Variants in KCNMA1 observed in about 807,000 individuals in gnomAD.
The protein encoded by KCNMA1 is potassium calcium-activated channel subfamily M alpha 1, also known as Calcium-activated potassium channel subunit alpha-1.
A neutral mutation model predicts 140.0 loss-of-function variants in KCNMA1; 29 were observed. That is an observed-to-expected ratio of 0.21 (90% CI 0.15 to 0.28). The LOEUF (loss-of-function observed/expected upper bound fraction) is 0.28, where lower values mean the gene tolerates loss of function less well. KCNMA1 is among the 10% of genes least tolerant of loss of function. The pLI is 1.00. For synonymous variants in KCNMA1, 612 were observed against 611.9 expected (o/e 1.00, Z 0.00); for missense variants, 880 against 1,602.2 (o/e 0.55, Z 7.70).
chr10:77,540,653 T>C (rs1315928631), intron 1 of KCNMA1, among the ~76,000 whole-genome samples: 2 of 152,248 alleles, frequency 1.3e-5, no homozygotes, highest in Non-Finnish European at 1.5e-5. Context: ...AATACTGTTA[T>C]CACTTTCAAT....
chr10:77,467,327 G>A (rs1483967260), intron 1 of KCNMA1, among the ~76,000 whole-genome samples: 2 of 152,202 alleles, frequency 1.3e-5, no homozygotes, highest in East Asian at 1.9e-4. Flanking sequence ...CTCTCTGTTG[G>A]TTGCATTTTT....
intron 1 of KCNMA1, chr10:77,587,671 T>G (rs1264362344): frequency 8.1e-6 from 8 of 983,034 alleles, no homozygotes; most frequent in Non-Finnish European, 9.7e-6. Flanking sequence ...CAGTGGAATC[T>G]GTGGAAGGTA....
At chr10:77,318,740 C>A (rs927766021) in intron 2 of KCNMA1, among the ~76,000 whole-genome samples, 1 of 152,046 alleles carries the variant, frequency 6.6e-6, no homozygotes, top group Admixed American at 6.6e-5. Context: ...CTTGGTGGAC[C>A]TATTCACCAA....
intron 2 of KCNMA1, among the ~76,000 whole-genome samples, chr10:77,286,095 C>T (rs532036702): frequency 6.6e-6 from 1 of 152,262 alleles, no homozygotes; most frequent in East Asian, 1.9e-4. Flanking sequence ...TAATGGGACT[C>T]TACCTACACA....
intron 1 of KCNMA1, among the ~76,000 whole-genome samples, chr10:77,565,859 C>T (rs1460976557): frequency 6.6e-6 from 1 of 152,154 alleles, no homozygotes; most frequent in Non-Finnish European, 1.5e-5. Flanking sequence ...AGCCTCCCAC[C>T]CCATCCCCCT....
Position 77,019,093 on chromosome 10 carries a change from T to A in KCNMA1, c.1935A>T (p.Leu645Phe). The change falls in exon 17 of 28, where the codon TTA becomes TTT. Residue 645 changes from leucine (L) to phenylalanine (F), a missense_variant. Physicochemically the swap from Leu to Phe is conservative, Grantham distance 22. Around this residue, in one of 13 missense-constraint regions of KCNMA1, gnomAD observed 196 missense variants for 233.0 expected, o/e 0.84. Transcript: ENST00000286628. Reference sequence around the variant, plus strand: ...TCTTAAGATGGTTTCCAGGATTAATTAATATACTGCTCAGTGAACAAAAAC... The same window carrying A: ...TCTTAAGATGGTTTCCAGGATTAATAAATATACTGCTCAGTGAACAAAAAC... ...YKSANRESRI[L>F]INPGNHLKIQ... 6.5e-7 allele frequency: 1 copy of A among 1,535,142 alleles called. No homozygotes were observed. Among genetic ancestry groups the A allele is most frequent in the Non-Finnish European group, 9.0e-7 (1 of 1,108,480 alleles).
chr10:77,293,891 G>T (rs917361990), intron 2 of KCNMA1, among the ~76,000 whole-genome samples: 1 of 152,232 alleles, frequency 6.6e-6, no homozygotes, highest in Non-Finnish European at 1.5e-5. Flanking sequence ...AGAAATCTCT[G>T]CCGGGTTTCT....
intron 14 of KCNMA1, among the ~76,000 whole-genome samples, chr10:77,068,017 C>T (rs1040463764): frequency 1.4e-4 from 22 of 152,194 alleles, no homozygotes; most frequent in African/African-American, 5.3e-4. Flanking sequence ...CTTATCGTTT[C>T]TCACATTTCC....
intron 1 of KCNMA1, among the ~76,000 whole-genome samples, chr10:77,406,576 G>T (rs1039408757): frequency 6.6e-6 from 1 of 152,106 alleles, no homozygotes; most frequent in African/African-American, 2.4e-5. Flanking sequence ...ATGCTGCTGG[G>T]CTTGGAAGCC....
intron 1 of KCNMA1, among the ~76,000 whole-genome samples, chr10:77,575,685 G>A (rs921563004): frequency 7.9e-5 from 12 of 152,342 alleles, no homozygotes; most frequent in Admixed American, 2.0e-4. Context: ...AGGATCACCC[G>A]GGGAGCATCT....
intron 2 of KCNMA1, among the ~76,000 whole-genome samples, chr10:77,263,093 C>T (rs996888015): frequency 2.0e-5 from 3 of 152,172 alleles, no homozygotes; most frequent in African/African-American, 7.2e-5. Context: ...TCATAACCCT[C>T]CCACAGGAAT....
chr10:76,957,719 G>A lies in KCNMA1; in HGVS notation c.2361-3795C>T, dbSNP rs73282590. Among the ~76,000 whole-genome samples the A allele has an allele frequency of 4.5e-3, 678 of 152,282 alleles. 5 individuals carry two copies. Among genetic ancestry groups the A allele is most frequent in the African/African-American group, 0.016 (655 of 41,564 alleles). The stretch of plus-strand genomic sequence containing the variant: ...GACCATTGTTGGATATCAGAAGGCT[G>A]GAGAGCCCTGAGTAGGTAAAGAAAG... On this transcript the variant is annotated intron_variant, in intron 20 of 27. Transcript: ENST00000286628.
intron 2 of KCNMA1, among the ~76,000 whole-genome samples, chr10:77,280,921 T>A (rs2068327718): frequency 6.6e-6 from 1 of 152,220 alleles, no homozygotes; most frequent in South Asian, 2.1e-4. Context: ...TATCTGAAAG[T>A]CATGATTTTC....
At chr10:77,048,103 T>A (rs1247768) in intron 14 of KCNMA1, among the ~76,000 whole-genome samples, 6,415 of 150,208 alleles carry the variant, frequency 0.043, 460 homozygotes, top group East Asian at 0.24. Context: ...GACAACATGA[T>A]GAGACAATAA....
intron 1 of KCNMA1, among the ~76,000 whole-genome samples, chr10:77,431,982 ACT>A (rs1441944754): frequency 3.3e-5 from 5 of 150,512 alleles, no homozygotes; most frequent in Non-Finnish European, 1.5e-5. Context: ...ACAGAGCAAG[ACT>A]CTATCTCTGA....
chr10:77,039,280 A>G (rs2094516899), intron 15 of KCNMA1: 1 of 578,276 alleles, frequency 1.7e-6, no homozygotes, highest in Non-Finnish European at 3.1e-6. Flanking sequence ...TTCATAAGTT[A>G]GCATAAATGA....
chr10:77,483,332 T>A (rs2098423652), intron 1 of KCNMA1, among the ~76,000 whole-genome samples: 1 of 152,222 alleles, frequency 6.6e-6, no homozygotes, highest in Non-Finnish European at 1.5e-5. Flanking sequence ...TAGAGACATG[T>A]CACAGCAGAG....
At chr10:76,964,025 C>G (rs2072838678) in intron 20 of KCNMA1, among the ~76,000 whole-genome samples, 1 of 152,034 alleles carries the variant, frequency 6.6e-6, no homozygotes, top group Non-Finnish European at 1.5e-5. Flanking sequence ...TGGGTGATTA[C>G]TATTTCCTGA....
intron 2 of KCNMA1, among the ~76,000 whole-genome samples, chr10:77,260,563 G>A (rs2061737661): frequency 6.6e-6 from 1 of 152,130 alleles, no homozygotes; most frequent in African/African-American, 2.4e-5. Context: ...ACAAAAATTA[G>A]TTGGGCGTGG....
Sources: allele counts gnomAD v4.1 joint callset (sites outside exome capture counted in the v4.1 genomes callset), GRCh38; gene constraint gnomAD v4.1.1; regional missense constraint gnomAD v4.1.1; transcripts MANE v1.5; gene names NCBI Gene and HGNC (gene_info 2026-07-23, HGNC 2026-07-21).